The following NR4A3 variants were observed in gnomAD, a reference collection of about 807,000 sequenced individuals.
The protein encoded by NR4A3 is nuclear receptor subfamily 4 group A member 3.
NR4A3 carries 13 observed loss-of-function variants against 55.6 expected under a neutral mutation model. The observed-to-expected ratio is 0.23, with a 90% CI of 0.15 to 0.37. The LOEUF (loss-of-function observed/expected upper bound fraction) is 0.37. Ranked by LOEUF, NR4A3 falls within the 10% of genes least tolerant of loss-of-function variation. The pLI is 1.00. For missense variants in NR4A3, 646 were observed against 822.8 expected, an observed-to-expected ratio of 0.79 and a Z score of 2.63; for synonymous variants, 342 against 357.9, an observed-to-expected ratio of 0.96 and a Z score of 0.50.
At chr9:99,829,913 C>G (rs1007014822) in intron 3 of NR4A3, among the ~76,000 whole-genome samples, 5 of 152,130 alleles carry the variant, frequency 3.3e-5, no homozygotes, top group Admixed American at 2.0e-4. Context: ...ATTTAACTGC[C>G]CATGAGATGT....
chr9:99,833,336 A>C lies in NR4A3; in HGVS notation c.1136A>C (p.Lys379Thr). The C allele has an allele frequency of 6.2e-7, 1 of 1,614,060 alleles. No individual in the cohort carries two copies. The highest frequency in any genetic ancestry group is 8.5e-7 in the Non-Finnish European group (1 of 1,179,954). The change falls in exon 5 of 8, where the codon AAG (lysine) becomes ACG (threonine). Residue 379 changes from lysine to threonine, a missense_variant. Around this residue, in one of 5 missense-constraint regions of NR4A3, gnomAD observed 44 missense variants for 119.3 expected, o/e 0.37. Coordinates refer to ENST00000395097, the MANE Select transcript of NR4A3 (RefSeq NM_006981.4). ...AGAGGTCGTCTGCCTTCCAAACCAA[A>C]GAGCCCATTACAACAGGAACCTTCT... ...GRRGRLPSKPKSPLQQEPSQP... is the reference protein window; with the variant it reads ...GRRGRLPSKPTSPLQQEPSQP...
chr9:99,860,858 C>G (rs1309965672), intron 7 of NR4A3, among the ~76,000 whole-genome samples: 2 of 152,246 alleles, frequency 1.3e-5, no homozygotes. Flanking sequence ...TAGCACTCTA[C>G]AGCTGACAGA....
chr9:99,824,886 G>T (rs568408811), intron 1 of NR4A3, among the ~76,000 whole-genome samples: 1 of 152,152 alleles, frequency 6.6e-6, no homozygotes, highest in East Asian at 1.9e-4. Flanking sequence ...CCGCTAGGCC[G>T]CTGGGTGGCC....
At chr9:99,827,795 G>T (rs1377398410) in intron 2 of NR4A3, among the ~76,000 whole-genome samples, 1 of 152,140 alleles carries the variant, frequency 6.6e-6, no homozygotes, top group Non-Finnish European at 1.5e-5. Flanking sequence ...ACAGGGCAAG[G>T]GAGGAAAGAT....
At chr9:99,841,289 G>A (rs990724425) in intron 5 of NR4A3, among the ~76,000 whole-genome samples, 6 of 150,648 alleles carry the variant, frequency 4.0e-5, no homozygotes, top group East Asian at 3.9e-4. Flanking sequence ...GGATCGTGCC[G>A]CCATGCTTCC....
At position 99,828,410 on chromosome 9, in the gene NR4A3, C is replaced by T. The variant is rs1194483247; in HGVS notation, c.368C>T (p.Pro123Leu). Residue 123 changes from proline (P) to leucine (L), a missense_variant, in exon 3 of 8, where the codon CCG becomes CTG. Coordinates refer to ENST00000395097, the MANE Select transcript of NR4A3 (RefSeq NM_006981.4). The surrounding 1 kb of genome is among the most constrained non-coding windows in gnomAD (Gnocchi z 7.7). The part of the protein sequence containing the change: ...QQPSIPPASS[P>L]EDEVLPSTSM... ...CCATCCATTCCTCCAGCCTCCAGCC[C>T]GGAGGACGAGGTGCTGCCCAGCACC... 1 of 1,586,950 alleles carries T rather than the reference C, an allele frequency of 6.3e-7. No homozygotes were observed. The highest frequency in any genetic ancestry group is 8.6e-7 in the Non-Finnish European group (1 of 1,166,044).
chr9:99,838,080 A>T (rs1438740199), intron 5 of NR4A3, among the ~76,000 whole-genome samples: 1 of 152,188 alleles, frequency 6.6e-6, no homozygotes, highest in Non-Finnish European at 1.5e-5. Flanking sequence ...CAGTCAAAAC[A>T]TGTCACGTTT....
chr9:99,853,659 C>A (rs1158718598), intron 7 of NR4A3, among the ~76,000 whole-genome samples: 1 of 7,826 alleles, frequency 1.3e-4, no homozygotes, highest in Non-Finnish European at 2.7e-4. Context: ...GATATGAACT[C>A]ATCATTTTTT....
At chr9:99,826,844 C>A in intron 2 of NR4A3, 1 of 1,553,316 alleles carries the variant, frequency 6.4e-7, no homozygotes, top group Non-Finnish European at 8.9e-7. Context: ...ATTCACTTCT[C>A]TATTAGTCAC....
rs760815099 is a variant in NR4A3, at chr9:99,828,297, A to T, written c.255A>T (p.Lys85Asn). 1 of 1,613,760 alleles carries T rather than the reference A, an allele frequency of 6.2e-7. No individual in the cohort carries two copies. The highest frequency in any genetic ancestry group is 8.5e-7 in the Non-Finnish European group (1 of 1,179,956). ...CVYQMQRPLI[K>N]VEEGRAPSYH... ...ACCAAATGCAGCGGCCCTTGATCAA[A>T]GTGGAGGAGGGGCGGGCGCCCAGCT... Residue 85 changes from lysine to asparagine, a missense_variant, in exon 3 of 8, where the codon AAA (lysine) becomes AAT (asparagine). Lys to Asn is a moderately conservative substitution (Grantham distance 94). Coordinates refer to ENST00000395097, the MANE Select transcript of NR4A3 (RefSeq NM_006981.4). This position sits in a 1 kb window ranked among gnomAD's most constrained non-coding sequence, Gnocchi z 7.7.
At chr9:99,861,961 G>A (rs1828015292) in intron 7 of NR4A3, among the ~76,000 whole-genome samples, 1 of 151,962 alleles carries the variant, frequency 6.6e-6, no homozygotes, top group Non-Finnish European at 1.5e-5. Flanking sequence ...AGGTATGGTG[G>A]TGCATGCCTA....
rs750272339 is a variant in NR4A3 at position 99,828,534 on chromosome 9, C to G, written c.492C>G (p.Pro164=). The change falls in exon 3 of 8, where the codon CCC becomes CCG. Residue 164 remains proline (P), a synonymous_variant. Transcript: ENST00000395097. The surrounding 1 kb of genome is among the most constrained non-coding windows in gnomAD (Gnocchi z 7.7). Reference sequence around the variant, plus strand: ...GGGACGAGGCACTGCCCTCGGCGCCCGGCTGCATCGCACCCGGCCCGCTGC... The same window carrying G: ...GGGACGAGGCACTGCCCTCGGCGCCGGGCTGCATCGCACCCGGCCCGCTGC... ...ALWDEALPSA[P]GCIAPGPLLD... 1.3e-5 allele frequency: 20 copies of G among 1,567,786 alleles called. No individual in the cohort carries two copies. The highest frequency in any genetic ancestry group is 1.9e-4 in the Middle Eastern group (1 of 5,314).
intron 4 of NR4A3, 37 bp downstream of exon 4, chr9:99,832,855 C>T (rs1434072327): frequency 2.1e-6 from 3 of 1,416,092 alleles, no homozygotes; most frequent in South Asian, 3.5e-5. Context: ...TTTGCTTATA[C>T]ATATTATCAG....
At chr9:99,862,916 A>G (rs570673243) in intron 7 of NR4A3, among the ~76,000 whole-genome samples, 78 of 152,276 alleles carry the variant, frequency 5.1e-4, no homozygotes, top group African/African-American at 1.8e-3. Flanking sequence ...CCATCTCCAC[A>G]GCAGGAGGAC....
chr9:99,861,838 T>G (rs772295693), intron 7 of NR4A3, among the ~76,000 whole-genome samples: 30 of 150,852 alleles, frequency 2.0e-4, no homozygotes, highest in Non-Finnish European at 3.1e-4. Context: ...TGCCTGTAAT[T>G]TCAGTGCTTT....
At chr9:99,830,771 A>C (rs1827424468) in intron 3 of NR4A3, among the ~76,000 whole-genome samples, 1 of 152,254 alleles carries the variant, frequency 6.6e-6, no homozygotes, top group African/African-American at 2.4e-5. Context: ...AAGGACAGTG[A>C]AACTGGCAGC....
At chr9:99,830,664 T>G (rs1332006701) in intron 3 of NR4A3, among the ~76,000 whole-genome samples, 1 of 152,250 alleles carries the variant, frequency 6.6e-6, no homozygotes, top group Non-Finnish European at 1.5e-5. Context: ...TTTGGCCATT[T>G]TTTGTTTTAA....
Position 99,835,847 on chromosome 9 carries a change from T to C in NR4A3, c.1254+2393T>C, listed in dbSNP as rs1827549904. On this transcript the variant is annotated intron_variant, in intron 5 of 7. Coordinates refer to ENST00000395097, the MANE Select transcript of NR4A3 (RefSeq NM_006981.4). ...TCCTCATCAACAAACATTTATCCAA[T>C]TTAATTGTTAGCTTTGTCCAAAATA... Among the ~76,000 whole-genome samples, 5 of 152,212 alleles carry C rather than the reference T, an allele frequency of 3.3e-5. No individual in the cohort carries two copies. In the South Asian group the frequency reaches 1.0e-3, roughly 32 times the overall value.
rs1827269327 is a variant in NR4A3, at chr9:99,825,059, C to T, written c.-176-600C>T. On this transcript the variant is annotated intron_variant, in intron 1 of 7. Transcript: ENST00000395097. This position sits in a 1 kb window ranked among gnomAD's most constrained non-coding sequence, Gnocchi z 5.0. ...TTTTGTTTGCTTGACCCCTGGCCCT[C>T]GAAACTCGCGGCTAATAGAAGCGAA... Among the ~76,000 whole-genome samples the T allele has an allele frequency of 1.3e-5, 2 of 152,170 alleles. No homozygotes were observed. Among genetic ancestry groups the T allele is most frequent in the African/African-American group, 4.8e-5 (2 of 41,436 alleles).
Sources: allele counts gnomAD v4.1 joint callset (sites outside exome capture counted in the v4.1 genomes callset), GRCh38; gene constraint gnomAD v4.1.1; regional missense constraint gnomAD v4.1.1; non-coding constraint Gnocchi (gnomAD v3.1); transcripts MANE v1.5; gene names NCBI Gene and HGNC (gene_info 2026-07-23, HGNC 2026-07-21).